TCP10L: variants seen among roughly 807,000 people sequenced by gnomAD.
TCP10L encodes the protein T-complex protein 10A homolog 1.
A neutral mutation model predicts 19.2 loss-of-function variants in TCP10L; 11 were observed. That is an observed-to-expected ratio of 0.57 (90% CI 0.36 to 0.95). The LOEUF is 0.95. Ranked by LOEUF, TCP10L falls within the 40% of genes least tolerant of loss-of-function variation. The pLI, the probability that TCP10L is intolerant of heterozygous loss-of-function variation, is 0.01. For missense variants in TCP10L, 247 were observed against 263.9 expected (o/e 0.94, Z 0.44); for synonymous variants, 96 against 97.2 (o/e 0.99, Z 0.07).
chr21:32,576,584 C>A lies in TCP10L; in HGVS notation c.*190G>T. 1 of 670,774 alleles carries A rather than the reference C, an allele frequency of 1.5e-6. No individual in the cohort carries two copies. The highest frequency in any genetic ancestry group is 2.2e-5 in the South Asian group (1 of 44,820). 41.6% of individuals were successfully genotyped at this position (670,774 alleles called of 1,614,324 possible). A position where few individuals can be genotyped will look rare whatever the true frequency, so the allele number is the denominator to read the frequency against. On this transcript the variant is annotated 3_prime_UTR_variant, in exon 5 of 5. Transcript: ENST00000300258. Reference sequence around the variant, plus strand: ...CAATCCAAGTTGTTTGCTTTTATAGCATTAGAGACATGTCTGAAGAACTTC... The same window carrying A: ...CAATCCAAGTTGTTTGCTTTTATAGAATTAGAGACATGTCTGAAGAACTTC...
rs1325150444 is a variant in TCP10L at position 32,582,073 on chromosome 21, A to T, written c.360+127T>A. ...CGGGAAATGGAGTTGATGGAAAGAT[A>T]GCAACCCCTCCCACCACCCGGAGCG... is the stretch of plus-strand genomic sequence containing the variant. On this transcript the variant is annotated intron_variant, in intron 3 of 4. Transcript: ENST00000300258. The surrounding 1 kb of genome is among the most constrained non-coding windows in gnomAD (Gnocchi z 4.2). 1.9e-6 allele frequency: 2 copies of T among 1,065,796 alleles called. No homozygotes were observed. The highest frequency in any genetic ancestry group is 2.8e-6 in the Non-Finnish European group (2 of 724,126). The allele number at this position is 1,065,796 out of a possible 1,614,324, so 66.0% of individuals were successfully genotyped here. A position where few individuals can be genotyped will look rare whatever the true frequency, so the allele number is the denominator to read the frequency against.
At chr21:32,583,360 C>T (rs964066336) in intron 2 of TCP10L, among the ~76,000 whole-genome samples, 1 of 151,750 alleles carries the variant, frequency 6.6e-6, no homozygotes, top group South Asian at 2.1e-4. Context: ...GAGGCCGAGG[C>T]GGGCGGATCA....
At chr21:32,579,304 G>A (rs995876474) in intron 3 of TCP10L, among the ~76,000 whole-genome samples, 7 of 152,196 alleles carry the variant, frequency 4.6e-5, no homozygotes, top group African/African-American at 9.7e-5. Context: ...GGTATATTAG[G>A]TCTGGAATGC....
In TCP10L at chr21:32,584,231, C is replaced by A; in HGVS notation, c.74G>T (p.Gly25Val). Residue 25 changes from glycine (G) to valine (V), a missense_variant, in exon 2 of 5, where the codon GGG becomes GTG. Coordinates refer to ENST00000300258, the MANE Select transcript of TCP10L (RefSeq NM_144659.7). ...CACAGCTGTCTTCTCCATGACAGCC[C>A]CAGCTCCTGGGCACGGGTCCTCTGG... ...THPEDPCPGA[G>V]AVMEKTAVAA... 6.2e-7 allele frequency: 1 copy of A among 1,614,142 alleles called. No homozygotes were observed. The highest frequency in any genetic ancestry group is 8.5e-7 in the Non-Finnish European group (1 of 1,180,024).
intron 3 of TCP10L, among the ~76,000 whole-genome samples, chr21:32,580,401 C>T (rs147040998): frequency 6.6e-6 from 1 of 151,682 alleles, no homozygotes; most frequent in African/African-American, 2.4e-5. Context: ...CCACCGCGCC[C>T]AGCTGTGGCT....
chr21:32,576,798 A>G lies in TCP10L; in HGVS notation c.624T>C (p.Cys208=). 6.2e-7 allele frequency: 1 copy of G among 1,614,008 alleles called. No homozygotes were observed. Among genetic ancestry groups the G allele is most frequent in the Non-Finnish European group, 8.5e-7 (1 of 1,180,000 alleles). Reference sequence around the variant, plus strand: ...TTCAGACACCCCCCCGTCTCTCTGCACAGGGAGTTGGCCTTCCAGTAGGTG... The same window carrying G: ...TTCAGACACCCCCCCGTCTCTCTGCGCAGGGAGTTGGCCTTCCAGTAGGTG... ...RATPTGRPTP[C]AERRGGV Residue 208 remains cysteine, a synonymous_variant, in exon 5 of 5, where the codon TGT becomes TGC. Transcript: ENST00000300258.
chr21:32,579,629 GA>G lies in TCP10L; in HGVS notation c.361-799del, dbSNP rs1397762876. On this transcript the variant is annotated intron_variant, in intron 3 of 4. Transcript: ENST00000300258. The stretch of plus-strand genomic sequence containing the variant: ...GGTGACCAGTGCAATGCACAGAATG[GA>G]AAAATATTTGGAAATTCACCAAGCT... Among the ~76,000 whole-genome samples the G allele has an allele frequency of 8.5e-5, 13 of 152,220 alleles. No individual in the cohort carries two copies. In the East Asian group the frequency reaches 2.3e-3, roughly 27 times the overall value.
chr21:32,577,691 GA>G, intron 4 of TCP10L: 1 of 152,274 alleles, frequency 6.6e-6, no homozygotes, highest in African/African-American at 2.4e-5. Flanking sequence ...TTTTAACAAA[GA>G]AAAATGTGAT....
Position 32,582,079 on chromosome 21 carries a change from C to A in TCP10L, c.360+121G>T, listed in dbSNP as rs754080206. 33 of 1,144,096 alleles carry A rather than the reference C, an allele frequency of 2.9e-5. No individual in the cohort carries two copies. The highest frequency in any genetic ancestry group is 3.7e-5 in the Non-Finnish European group (29 of 793,690). The allele number at this position is 1,144,096 out of a possible 1,614,324, so 70.9% of individuals were successfully genotyped here. On this transcript the variant is annotated intron_variant, in intron 3 of 4. Transcript: ENST00000300258. This position sits in a 1 kb window ranked among gnomAD's most constrained non-coding sequence, Gnocchi z 4.2. ...ATGGAGTTGATGGAAAGATAGCAAC[C>A]CCTCCCACCACCCGGAGCGTGAGTG...
At position 32,578,328 on chromosome 21, in the gene TCP10L, A is replaced by C. The variant is rs563438653; in HGVS notation, c.498+366T>G. Among the ~76,000 whole-genome samples the C allele has an allele frequency of 2.0e-5, 3 of 152,354 alleles. No individual in the cohort carries two copies. The South Asian group carries it at 6.2e-4, about 32-fold the overall frequency. On this transcript the variant is annotated intron_variant, in intron 4 of 4. Transcript: ENST00000300258. This position sits in a 1 kb window ranked among gnomAD's most constrained non-coding sequence, Gnocchi z 4.2. ...GCAAGACCGCAGTGCAGAAGCAGGG[A>C]GCACGGGAGGCTGCGAGCCCTCAGA...
Position 32,576,503 on chromosome 21 carries a change from ACT to A in TCP10L, c.*269_*270del, listed in dbSNP as rs1414013180. 9.9e-5 allele frequency: 60 copies of A among 606,302 alleles called. No individual in the cohort carries two copies. The highest frequency in any genetic ancestry group is 8.9e-4 in the Middle Eastern group (2 of 2,254). The allele number at this position is 606,302 out of a possible 1,614,324, so 37.6% of individuals were successfully genotyped here. Reference sequence around the variant, plus strand: ...ACAAGGTGGGTTAATTTTTTTAAAGACTCTGCAGAAATATACCAACTACAGAG... The same window carrying A: ...ACAAGGTGGGTTAATTTTTTTAAAGACTGCAGAAATATACCAACTACAGAG... On this transcript the variant is annotated 3_prime_UTR_variant, in exon 5 of 5. Coordinates refer to ENST00000300258, the MANE Select transcript of TCP10L (RefSeq NM_144659.7).
intron 3 of TCP10L, among the ~76,000 whole-genome samples, chr21:32,580,486 G>C (rs2038482123): frequency 6.6e-6 from 1 of 150,710 alleles, no homozygotes; most frequent in African/African-American, 2.4e-5. Flanking sequence ...CTGTGTGTGT[G>C]TGTGTGTGTG....
In TCP10L at chr21:32,578,822, G is replaced by T. The variant is rs151145460; in HGVS notation, c.370C>A (p.Pro124Thr). 1.6e-5 allele frequency: 26 copies of T among 1,613,982 alleles called. No homozygotes were observed. The highest frequency in any genetic ancestry group is 1.5e-4 in the Admixed American group (9 of 59,986). The change falls in exon 4 of 5, where the codon CCT becomes ACT. Residue 124 changes from proline (P) to threonine (T), a missense_variant. Coordinates refer to ENST00000300258, the MANE Select transcript of TCP10L (RefSeq NM_144659.7). This position sits in a 1 kb window ranked among gnomAD's most constrained non-coding sequence, Gnocchi z 4.2. ...GQESHTLALE[P>T]AFGKISPLSA... Reference sequence around the variant, plus strand: ...AGAGGTGAAATTTTTCCAAAAGCAGGTTCCAATGCCTAAAAGACAAAATGC... The same window carrying T: ...AGAGGTGAAATTTTTCCAAAAGCAGTTTCCAATGCCTAAAAGACAAAATGC...
chr21:32,575,162 G>T lies in TCP10L; in HGVS notation c.*1612C>A, dbSNP rs889324510. The T allele has an allele frequency of 6.6e-6, 1 of 152,490 alleles. No homozygotes were observed. The highest frequency in any genetic ancestry group is 2.4e-5 in the African/African-American group (1 of 41,466). The allele number at this position is 152,490 out of a possible 1,614,324, so 9.4% of individuals were successfully genotyped here. A position where few individuals can be genotyped will look rare whatever the true frequency, so the allele number is the denominator to read the frequency against. ...GTTGCGGAGATACTAGCAGGTGTGTGTGAGAGGCAAGGTCCCCCATTCTGC... is the reference window on the plus strand; with the variant it reads ...GTTGCGGAGATACTAGCAGGTGTGTTTGAGAGGCAAGGTCCCCCATTCTGC... On this transcript the variant is annotated 3_prime_UTR_variant, in exon 5 of 5. Coordinates refer to ENST00000300258, the MANE Select transcript of TCP10L (RefSeq NM_144659.7).
At position 32,575,080 on chromosome 21, in the gene TCP10L, G is replaced by C. The variant is rs920221688; in HGVS notation, c.*1694C>G. 6.6e-6 allele frequency: 1 copy of C among 152,310 alleles called. No individual in the cohort carries two copies. Among genetic ancestry groups the C allele is most frequent in the Non-Finnish European group, 1.5e-5 (1 of 68,112 alleles). The allele number at this position is 152,310 out of a possible 1,614,324, so 9.4% of individuals were successfully genotyped here. A position where few individuals can be genotyped will look rare whatever the true frequency, so the allele number is the denominator to read the frequency against. On this transcript the variant is annotated 3_prime_UTR_variant, in exon 5 of 5. Transcript: ENST00000300258. ...GCACCACAGGCTTCCAGGAGAGCCA[G>C]GAGTCAGGGGAGCTTCCCCAGGATG... is the stretch of plus-strand genomic sequence containing the variant.
At position 32,582,570 on chromosome 21, in the gene TCP10L, C is replaced by CTTT; in HGVS notation, c.145-158_145-156dup. 1.6e-6 allele frequency: 1 copy of CTTT among 628,396 alleles called. No homozygotes were observed. The highest frequency in any genetic ancestry group is 2.6e-6 in the Non-Finnish European group (1 of 378,436). The allele number at this position is 628,396 out of a possible 1,614,324, so 38.9% of individuals were successfully genotyped here. A position where few individuals can be genotyped will look rare whatever the true frequency, so the allele number is the denominator to read the frequency against. On this transcript the variant is annotated intron_variant, in intron 2 of 4. Transcript: ENST00000300258. This position sits in a 1 kb window ranked among gnomAD's most constrained non-coding sequence, Gnocchi z 4.2. ...TAAACAGGACTACCACAGCCTTTTT[C>CTTT]TTTCTTCTTTCTTTCCTTTCTTTCT... is the stretch of plus-strand genomic sequence containing the variant.
chr21:32,576,151 C>G lies in TCP10L; in HGVS notation c.*623G>C. On this transcript the variant is annotated 3_prime_UTR_variant, in exon 5 of 5. Transcript: ENST00000300258. ...AGTAAGATGTTCTGCTCACGCGTAT[C>G]CACGAGAAAGCCCCGCATTTCACGG... 2 of 995,436 alleles carry G rather than the reference C, an allele frequency of 2.0e-6. No homozygotes were observed. The highest frequency in any genetic ancestry group is 2.9e-6 in the Non-Finnish European group (2 of 678,840). The allele number at this position is 995,436 out of a possible 1,614,324, so 61.7% of individuals were successfully genotyped here.
chr21:32,578,974 T>C lies in TCP10L; in HGVS notation c.361-143A>G, dbSNP rs2146525152. 7.3e-7 allele frequency: 1 copy of C among 1,366,848 alleles called. No individual in the cohort carries two copies. Among genetic ancestry groups the C allele is most frequent in the Non-Finnish European group, 9.8e-7 (1 of 1,015,404 alleles). The allele number at this position is 1,366,848 out of a possible 1,614,324, so 84.7% of individuals were successfully genotyped here. ...GACTTGGACTGGGTTTTCCCCCTAA[T>C]ATGTTGATAAGAACAGAAACCCTCA... On this transcript the variant is annotated intron_variant, in intron 3 of 4. Coordinates refer to ENST00000300258, the MANE Select transcript of TCP10L (RefSeq NM_144659.7). This position sits in a 1 kb window ranked among gnomAD's most constrained non-coding sequence, Gnocchi z 4.2.
At chr21:32,583,588 C>CAAAAAA (rs771224269) in intron 2 of TCP10L, among the ~76,000 whole-genome samples, 1 of 82,948 alleles carries the variant, frequency 1.2e-5, no homozygotes, top group Non-Finnish European at 2.5e-5. Flanking sequence ...GACTCCGTCT[C>CAAAAAA]AAAAAAAAAA....
Sources: allele counts gnomAD v4.1 joint callset (sites outside exome capture counted in the v4.1 genomes callset), GRCh38; gene constraint gnomAD v4.1.1; non-coding constraint Gnocchi (gnomAD v3.1); transcripts MANE v1.5; gene names NCBI Gene and HGNC (gene_info 2026-07-23, HGNC 2026-07-21).